Variants in GABRE observed in about 807,000 individuals in gnomAD.
The protein encoded by GABRE is gamma-aminobutyric acid receptor subunit epsilon.
Under a neutral mutation model 31.0 loss-of-function variants are expected in GABRE, and 20 were observed. That is an observed-to-expected ratio of 0.64 (90% CI 0.45 to 0.94). The LOEUF (loss-of-function observed/expected upper bound fraction) is 0.94. GABRE is among the 40% of genes least tolerant of loss of function. The pLI, the probability that GABRE is intolerant of heterozygous loss-of-function variation, is 0.00. For synonymous variants in GABRE, 155 were observed against 150.6 expected (o/e 1.03, Z -0.21); for missense variants, 420 against 410.7 (o/e 1.02, Z -0.20).
At chrX:151,964,456 T>C (rs1469721762) in intron 3 of GABRE, among the ~76,000 whole-genome samples, 2 of 111,501 alleles carry the variant, frequency 1.8e-5, no homozygotes, top group African/African-American at 6.5e-5. Flanking sequence ...AAATAAAATA[T>C]AATTCCCAAC....
chrX:151,962,365 A>C (rs1336276719), intron 4 of GABRE, 58 bp downstream of exon 4: 40 of 1,037,361 alleles, frequency 3.9e-5, no homozygotes, highest in Non-Finnish European at 5.1e-5. Flanking sequence ...TCTTTAGCTA[A>C]AATTATCAGA....
At chrX:151,961,890 A>G (rs779087204) in intron 4 of GABRE, among the ~76,000 whole-genome samples, 30 of 112,399 alleles carry the variant, frequency 2.7e-4, no homozygotes, top group African/African-American at 9.7e-4. Context: ...GGGCTCCATC[A>G]TTAGAGAAAC....
chrX:151,972,762 T>A, intron 1 of GABRE: 2 of 532,780 alleles, frequency 3.8e-6, no homozygotes, highest in Non-Finnish European at 4.6e-6. Flanking sequence ...AAACCTCATC[T>A]TGAGGTCCTT....
In GABRE at chrX:151,954,960, G is replaced by C. The variant is rs139368840; in HGVS notation, c.1262C>G (p.Pro421Arg). Residue 421 changes from proline to arginine, a missense_variant, in exon 9 of 9, where the codon CCG becomes CGG. Physicochemically the swap from Pro to Arg is moderately radical, Grantham distance 103. Transcript: ENST00000370328. ...TTEGSDGEERPSCSAQQPPSP... is the reference protein window; with the variant it reads ...TTEGSDGEERRSCSAQQPPSP... ...AGGGGGCTGCTGGGCTGAGCAAGAC[G>C]GGCGCTCCTCTCCATCACTTCCCTC... 2.2e-5 allele frequency: 26 copies of C among 1,205,386 alleles called. No homozygotes were observed. Among genetic ancestry groups the C allele is most frequent in the Non-Finnish European group, 2.8e-5 (25 of 892,894 alleles).
intron 1 of GABRE, chrX:151,972,726 A>C: frequency 1.7e-5 from 12 of 694,518 alleles, no homozygotes; most frequent in Non-Finnish European, 1.9e-5. Context: ...TAAAAAAAAA[A>C]AACACAACAA....
rs991785599 is a variant in GABRE, at chrX:151,972,414, C to T, written c.57-2012G>A. The T allele has an allele frequency of 8.0e-6, 6 of 751,747 alleles. No homozygotes were observed. The African/African-American group carries it at 1.2e-4, about 15-fold the overall frequency. 62.0% of individuals were successfully genotyped at this position (751,747 alleles called of 1,213,427 possible). On this transcript the variant is annotated intron_variant, in intron 1 of 8. Coordinates refer to ENST00000370328, the MANE Select transcript of GABRE (RefSeq NM_004961.4). ...GGAAGAGAGGAGGAAAAATGGAGCC[C>T]TGAGACCCTGTAAAATGAGTGATGT...
In GABRE at chrX:151,954,430, A is replaced by G; in HGVS notation, c.*271T>C. ...GATCACTAAGTGGCTGTGGTTTTGA[A>G]CACTGAGCATCACGGATGCTCCTTG... On this transcript the variant is annotated 3_prime_UTR_variant, in exon 9 of 9. Coordinates refer to ENST00000370328, the MANE Select transcript of GABRE (RefSeq NM_004961.4). 3.3e-6 allele frequency: 1 copy of G among 302,115 alleles called. No individual in the cohort carries two copies. Among genetic ancestry groups the G allele is most frequent in the Non-Finnish European group, 5.8e-6 (1 of 173,219 alleles). The allele number at this position is 302,115 out of a possible 1,213,427, so 24.9% of individuals were successfully genotyped here.
chrX:151,973,996 A>T (rs1934809274), intron 1 of GABRE, among the ~76,000 whole-genome samples: 2 of 111,195 alleles, frequency 1.8e-5, no homozygotes, highest in African/African-American at 6.6e-5. Context: ...TGAGACTGGC[A>T]CCAACAGGAG....
chrX:151,973,694 A>C (rs746601353), intron 1 of GABRE, among the ~76,000 whole-genome samples: 1 of 111,405 alleles, frequency 9.0e-6, no homozygotes, highest in East Asian at 2.8e-4. Context: ...GTCATCTTCC[A>C]CCCCAAAAAG....
intron 1 of GABRE, among the ~76,000 whole-genome samples, chrX:151,973,379 G>C (rs1650802571): frequency 9.0e-6 from 1 of 111,205 alleles, no homozygotes; most frequent in Non-Finnish European, 1.9e-5. Context: ...ATCCCATTTT[G>C]AGGGATGTGG....
At chrX:151,958,479 GGAGA>G (rs1934248365) in intron 6 of GABRE, 1 of 322,390 alleles carries the variant, frequency 3.1e-6, no homozygotes. Flanking sequence ...CTCCAGCAGA[GGAGA>G]AAGAAGACCT....
At chrX:151,958,315 A>G (rs1418107885) in intron 6 of GABRE, 4 of 213,860 alleles carry the variant, frequency 1.9e-5, no homozygotes, top group Non-Finnish European at 3.4e-5. Flanking sequence ...TGGCCAGAGT[A>G]GCAGGCTACC....
chrX:151,974,640 G>A lies in GABRE; in HGVS notation c.-15C>T, dbSNP rs367575316. 4.5e-5 allele frequency: 52 copies of A among 1,157,258 alleles called. No homozygotes were observed. In the African/African-American group the frequency reaches 8.7e-4, roughly 19 times the overall value. On this transcript the variant is annotated 5_prime_UTR_variant, in exon 1 of 9. Transcript: ENST00000370328. ...TTGGACAACATTTCCGCGGAGACCGGCGCGACCACCTGCGCGGAGGTCGCG... is the reference window on the plus strand; with the variant it reads ...TTGGACAACATTTCCGCGGAGACCGACGCGACCACCTGCGCGGAGGTCGCG...
rs1362876129 is a variant in GABRE, at chrX:151,954,996, A to G, written c.1226T>C (p.Ile409Thr). 9.1e-6 allele frequency: 11 copies of G among 1,206,121 alleles called. No homozygotes were observed. Among genetic ancestry groups the G allele is most frequent in the East Asian group, 3.0e-5 (1 of 33,677 alleles). ...RQHQEAFVCQ[I>T]VTTEGSDGEE... ...TCCATCACTTCCCTCAGTGGTGACA[A>G]TCTGGCACACAAAAGCTTCCTGATG... The change falls in exon 9 of 9, where the codon ATT (isoleucine) becomes ACT (threonine). Residue 409 changes from isoleucine (I) to threonine (T), a missense_variant. Physicochemically the swap from Ile to Thr is moderately conservative, Grantham distance 89. Transcript: ENST00000370328.
chrX:151,964,779 T>A (rs977805357), intron 3 of GABRE, among the ~76,000 whole-genome samples: 4 of 111,845 alleles, frequency 3.6e-5, no homozygotes, highest in African/African-American at 9.8e-5. Flanking sequence ...AAAAATGAAG[T>A]GTTTTGGAGG....
chrX:151,965,101 A>T (rs1934488189), intron 3 of GABRE, among the ~76,000 whole-genome samples: 2 of 111,675 alleles, frequency 1.8e-5, no homozygotes, highest in Non-Finnish European at 3.8e-5. Context: ...ACGTGAGCAA[A>T]GATCGTGCCA....
chrX:151,968,514 C>A (rs1483443409), intron 3 of GABRE, among the ~76,000 whole-genome samples: 1 of 111,870 alleles, frequency 8.9e-6, no homozygotes, highest in Non-Finnish European at 1.9e-5. Flanking sequence ...TGAAGGTTAA[C>A]TTAGCATTGA....
intron 2 of GABRE, 98 bp from the exon 3 acceptor site, chrX:151,969,834 T>C: frequency 8.8e-7 from 1 of 1,136,470 alleles, no homozygotes; most frequent in South Asian, 2.3e-5. Flanking sequence ...GTCAAGTAAG[T>C]GTTGGACCAC....
Position 151,953,407 on chromosome X carries a change from G to A in GABRE, c.*1294C>T, listed in dbSNP as rs759999534. ...GTGTGCCAGCAGAGGTGACAGAAGAGAATCATGGTGAACTGAGCTGTCTAG... is the reference window on the plus strand; with the variant it reads ...GTGTGCCAGCAGAGGTGACAGAAGAAAATCATGGTGAACTGAGCTGTCTAG... On this transcript the variant is annotated 3_prime_UTR_variant, in exon 9 of 9. Transcript: ENST00000370328. The A allele has an allele frequency of 3.6e-5, 4 of 111,469 alleles. No individual in the cohort carries two copies. The highest frequency in any genetic ancestry group is 7.8e-4 in the South Asian group (2 of 2,576). 9.2% of individuals were successfully genotyped at this position (111,469 alleles called of 1,213,427 possible). A position where few individuals can be genotyped will look rare whatever the true frequency, so the allele number is the denominator to read the frequency against.
Sources: allele counts gnomAD v4.1 joint callset (sites outside exome capture counted in the v4.1 genomes callset), GRCh38; gene constraint gnomAD v4.1.1; transcripts MANE v1.5; gene names NCBI Gene and HGNC (gene_info 2026-07-23, HGNC 2026-07-21).